KHDRBS2: variants seen among roughly 807,000 people sequenced by gnomAD.
KHDRBS2 encodes the protein KH RNA binding domain containing, signal transduction associated 2, also known as KH domain-containing, RNA-binding, signal transduction-associated protein 2.
Under a neutral mutation model 44.3 loss-of-function variants are expected in KHDRBS2, and 26 were observed. That is an observed-to-expected ratio of 0.59 (90% confidence interval 0.43 to 0.81). KHDRBS2 has a LOEUF of 0.81. Among genes scored for constraint, KHDRBS2 ranks in the 40% least tolerant of loss-of-function variants. KHDRBS2 has a pLI of 0.00. For synonymous variants in KHDRBS2, 194 were observed against 151.1 expected, an observed-to-expected ratio of 1.28 and a Z score of -2.08; for missense variants, 476 against 433.1, an observed-to-expected ratio of 1.10 and a Z score of -0.88.
chr6:61,719,963 G>A (rs1243949701), intron 7 of KHDRBS2, among the ~76,000 whole-genome samples: 2 of 151,978 alleles, frequency 1.3e-5, no homozygotes, highest in African/African-American at 2.4e-5. Flanking sequence ...AGAGTGTGAT[G>A]TTCCCCTTCC....
chr6:61,927,827 A>G (rs376059576), intron 4 of KHDRBS2, among the ~76,000 whole-genome samples: 1 of 152,156 alleles, frequency 6.6e-6, no homozygotes, highest in Non-Finnish European at 1.5e-5. Flanking sequence ...AATTTATTTT[A>G]ATTCTTACAG....
At chr6:62,109,106 A>G in intron 2 of KHDRBS2, among the ~76,000 whole-genome samples, 1 of 151,996 alleles carries the variant, frequency 6.6e-6, no homozygotes, top group Admixed American at 6.5e-5. Flanking sequence ...ATAATAAAAA[A>G]AAAAAAGAAG....
chr6:61,584,777 G>A, the KHDRBS2 span, among the ~76,000 whole-genome samples: 1 of 151,816 alleles, frequency 6.6e-6, no homozygotes, highest in Non-Finnish European at 1.5e-5. Flanking sequence ...AGAATCTGAA[G>A]TAGAGATTGG....
chr6:61,628,854 T>C, the KHDRBS2 span, among the ~76,000 whole-genome samples: 1 of 152,238 alleles, frequency 6.6e-6, no homozygotes, highest in African/African-American at 2.4e-5. Context: ...TACCATGGAC[T>C]TATGAAAACA....
chr6:61,796,888 G>A (rs1245404064), intron 6 of KHDRBS2, among the ~76,000 whole-genome samples: 2 of 152,072 alleles, frequency 1.3e-5, no homozygotes, highest in African/African-American at 2.4e-5. Flanking sequence ...AGTAACTAAT[G>A]AGAGTTATTT....
intron 1 of KHDRBS2, among the ~76,000 whole-genome samples, chr6:62,221,796 A>C (rs1284054053): frequency 6.6e-6 from 1 of 152,160 alleles, no homozygotes; most frequent in South Asian, 2.1e-4. Flanking sequence ...GACTTCATGG[A>C]CATATCAACC....
At chr6:62,084,186 G>T (rs1420813179) in intron 2 of KHDRBS2, among the ~76,000 whole-genome samples, 1 of 152,096 alleles carries the variant, frequency 6.6e-6, no homozygotes, top group African/African-American at 2.4e-5. Context: ...TATAATATTG[G>T]ACTGAAGGAG....
chr6:61,581,879 T>G, the KHDRBS2 span, among the ~76,000 whole-genome samples: 1 of 151,168 alleles, frequency 6.6e-6, no homozygotes, highest in Non-Finnish European at 1.5e-5. Flanking sequence ...CTTCAAAAAT[T>G]TACCCTTTAA....
chr6:61,880,661 A>G (rs1224172046), intron 6 of KHDRBS2, among the ~76,000 whole-genome samples: 1 of 151,918 alleles, frequency 6.6e-6, no homozygotes, highest in Non-Finnish European at 1.5e-5. Context: ...CTGCTTAATG[A>G]GTAAGGAGCT....
chr6:62,142,353 T>G (rs947476034), intron 2 of KHDRBS2, among the ~76,000 whole-genome samples: 11 of 152,114 alleles, frequency 7.2e-5, no homozygotes, highest in African/African-American at 2.4e-4. Context: ...GAAAATTTGC[T>G]GATTAATATT....
intron 6 of KHDRBS2, among the ~76,000 whole-genome samples, chr6:61,753,657 A>G (rs1344997575): frequency 6.6e-6 from 1 of 152,152 alleles, no homozygotes; most frequent in African/African-American, 2.4e-5. Flanking sequence ...AAAAGTGGGG[A>G]TATGGCAGCC....
At chr6:61,991,031 G>T (rs1296918631) in intron 3 of KHDRBS2, among the ~76,000 whole-genome samples, 2 of 152,058 alleles carry the variant, frequency 1.3e-5, no homozygotes, top group Non-Finnish European at 2.9e-5. Context: ...TTAGCATTGA[G>T]AACTACATGA....
At chr6:62,168,038 C>T (rs758090726) in intron 2 of KHDRBS2, among the ~76,000 whole-genome samples, 12 of 152,094 alleles carry the variant, frequency 7.9e-5, no homozygotes, top group Non-Finnish European at 1.5e-4. Context: ...CTTCTTCCAA[C>T]CAAGCACAGA....
chr6:61,599,208 A>T, the KHDRBS2 span, among the ~76,000 whole-genome samples: 1 of 152,040 alleles, frequency 6.6e-6, no homozygotes, highest in Non-Finnish European at 1.5e-5. Context: ...TGCTGGGATA[A>T]ACTTTGTTGT....
intron 1 of KHDRBS2, among the ~76,000 whole-genome samples, chr6:62,192,833 G>A (rs1394923102): frequency 6.6e-6 from 1 of 152,066 alleles, no homozygotes; most frequent in Non-Finnish European, 1.5e-5. Context: ...TGCAACACTG[G>A]TTTAAACTGC....
At chr6:61,986,159 C>G (rs1366266355) in intron 3 of KHDRBS2, among the ~76,000 whole-genome samples, 1 of 152,118 alleles carries the variant, frequency 6.6e-6, no homozygotes, top group Non-Finnish European at 1.5e-5. Flanking sequence ...AGACTGCGGA[C>G]CTCTCATGAA....
At chr6:61,573,650 G>C in the KHDRBS2 span, among the ~76,000 whole-genome samples, 1 of 152,064 alleles carries the variant, frequency 6.6e-6, no homozygotes, top group Non-Finnish European at 1.5e-5. Flanking sequence ...TTAGCCTGCT[G>C]TGGTGATGCA....
intron 1 of KHDRBS2, among the ~76,000 whole-genome samples, chr6:62,264,329 C>A (rs777016030): frequency 3.3e-5 from 5 of 151,658 alleles, no homozygotes; most frequent in Non-Finnish European, 7.4e-5. Flanking sequence ...CATGTCAAAC[C>A]AAAAATGCTT....
intron 4 of KHDRBS2, among the ~76,000 whole-genome samples, chr6:61,972,394 T>A (rs1260955150): frequency 6.6e-6 from 1 of 152,110 alleles, no homozygotes; most frequent in East Asian, 1.9e-4. Context: ...TCCAAGAAAA[T>A]CAGACTATTA....
Sources: allele counts gnomAD v4.1 joint callset (sites outside exome capture counted in the v4.1 genomes callset), GRCh38; gene constraint gnomAD v4.1.1; transcripts MANE v1.5; gene names NCBI Gene and HGNC (gene_info 2026-07-23, HGNC 2026-07-21).